EEA1: variants seen among roughly 807,000 people sequenced by gnomAD.
EEA1 encodes early endosome antigen 1, also known as early endosome antigen 1, 162kD.
A neutral mutation model predicts 209.2 loss-of-function variants in EEA1; 111 were observed. The observed-to-expected ratio is 0.53, with a 90% CI of 0.45 to 0.62. EEA1 has a LOEUF of 0.62. Among genes scored for constraint, EEA1 ranks in the 20% least tolerant of loss-of-function variants. EEA1 has a pLI of 0.00. For synonymous variants in EEA1, 536 were observed against 540.6 expected (o/e 0.99, Z 0.12); for missense variants, 1,343 against 1,530.8 (o/e 0.88, Z 2.05).
At chr12:92,795,659 T>C (rs1874625719) in intron 21 of EEA1, among the ~76,000 whole-genome samples, 1 of 152,218 alleles carries the variant, frequency 6.6e-6, no homozygotes, top group Non-Finnish European at 1.5e-5. Flanking sequence ...GAATTGGTGC[T>C]AACTGCCTAT....
intron 10 of EEA1, chr12:92,835,429 T>TTTTTTTTTTA (rs1876880196): frequency 3.9e-6 from 1 of 255,526 alleles, no homozygotes; most frequent in Admixed American, 5.3e-5. Context: ...TTTTTTTTTT[T>TTTTTTTTTTA]GAGATGGAGT....
chr12:92,813,151 T>C lies in EEA1; in HGVS notation c.1930-58A>G, dbSNP rs1875603588. 3.6e-6 allele frequency: 4 copies of C among 1,124,292 alleles called. No homozygotes were observed. In the African/African-American group the frequency reaches 6.2e-5, roughly 18 times the overall value. The allele number at this position is 1,124,292 out of a possible 1,614,324, so 69.6% of individuals were successfully genotyped here. On this transcript the variant is annotated intron_variant, in intron 15 of 28. Transcript: ENST00000322349. ...ATTTAGTTCTTGATTTCCTCTTGCT[T>C]GAACGCACACTCCTTTTGTGACTAA...
At chr12:92,863,565 T>G (rs1878242137) in intron 3 of EEA1, among the ~76,000 whole-genome samples, 1 of 152,234 alleles carries the variant, frequency 6.6e-6, no homozygotes, top group Non-Finnish European at 1.5e-5. Context: ...CTGGTCTTCC[T>G]ACAACCCCAG....
At chr12:92,883,509 C>T (rs187802843) in intron 2 of EEA1, among the ~76,000 whole-genome samples, 7 of 152,146 alleles carry the variant, frequency 4.6e-5, no homozygotes, top group Admixed American at 4.6e-4. Context: ...AATGATGTTT[C>T]CTAGGTTTTC....
chr12:92,858,989 T>C, intron 3 of EEA1: 2 of 685,100 alleles, frequency 2.9e-6, no homozygotes, highest in Non-Finnish European at 5.3e-6. Flanking sequence ...GCTCATTCAG[T>C]GGCAAAATCC....
intron 2 of EEA1, among the ~76,000 whole-genome samples, chr12:92,878,158 C>T (rs1339585635): frequency 6.6e-6 from 1 of 152,102 alleles, no homozygotes; most frequent in African/African-American, 2.4e-5. Flanking sequence ...CCTAACACTT[C>T]AGGAGGCCAA....
At chr12:92,833,313 C>G (rs1414022446) in intron 10 of EEA1, among the ~76,000 whole-genome samples, 1 of 152,112 alleles carries the variant, frequency 6.6e-6, no homozygotes, top group Non-Finnish European at 1.5e-5. Flanking sequence ...TTGATTGCAT[C>G]TTTTTATGCT....
At chr12:92,909,514 A>G (rs939803099) in intron 1 of EEA1, among the ~76,000 whole-genome samples, 1 of 152,248 alleles carries the variant, frequency 6.6e-6, no homozygotes, top group Non-Finnish European at 1.5e-5. Flanking sequence ...AATCTTTGAC[A>G]ATGGAACAAA....
intron 1 of EEA1, among the ~76,000 whole-genome samples, chr12:92,892,483 T>C (rs933202942): frequency 1.3e-5 from 2 of 150,536 alleles, no homozygotes; most frequent in African/African-American, 4.9e-5. Context: ...AGATCCAAGT[T>C]AAAGCAAAAA....
At chr12:92,897,525 C>A (rs531263845) in intron 1 of EEA1, among the ~76,000 whole-genome samples, 1 of 152,340 alleles carries the variant, frequency 6.6e-6, no homozygotes, top group South Asian at 2.1e-4. Context: ...TATCCAGGCC[C>A]TTGAGCTGCT....
At position 92,799,037 on chromosome 12, in the gene EEA1, A is replaced by G. The variant is rs200343917; in HGVS notation, c.2822T>C (p.Ile941Thr). The G allele has an allele frequency of 2.2e-4, 350 of 1,610,122 alleles. No homozygotes were observed. The highest frequency in any genetic ancestry group is 5.6e-4 in the Admixed American group (33 of 59,258). ...TTGTTTTAAAGTATTCTGGGCCTGTATAAGTTGTTCCTGCATTGAATTGAG... is the reference window on the plus strand; with the variant it reads ...TTGTTTTAAAGTATTCTGGGCCTGTGTAAGTTGTTCCTGCATTGAATTGAG... ...LELNSMQEQL[I>T]QAQNTLKQNE... Residue 941 changes from isoleucine to threonine, a missense_variant, in exon 21 of 29, where the codon ATA becomes ACA. Coordinates refer to ENST00000322349, the MANE Select transcript of EEA1 (RefSeq NM_003566.4).
intron 13 of EEA1, among the ~76,000 whole-genome samples, chr12:92,823,674 T>C (rs1486445321): frequency 6.6e-6 from 1 of 152,210 alleles, no homozygotes; most frequent in African/African-American, 2.4e-5. Flanking sequence ...GCCTGGCCCC[T>C]CTTTCATCCT....
chr12:92,780,227 C>A, intron 24 of EEA1, 53 bp downstream of exon 24: 25 of 1,525,350 alleles, frequency 1.6e-5, no homozygotes, highest in Non-Finnish European at 2.1e-5. Flanking sequence ...ATATATATTT[C>A]TTTAAAGAGC....
chr12:92,870,346 T>G (rs1412458221), intron 2 of EEA1, among the ~76,000 whole-genome samples: 2 of 152,226 alleles, frequency 1.3e-5, no homozygotes, highest in Non-Finnish European at 2.9e-5. Context: ...CCTTTGTTTT[T>G]GGAATACCAT....
intron 2 of EEA1, among the ~76,000 whole-genome samples, chr12:92,868,447 C>T (rs1414608038): frequency 6.6e-6 from 1 of 152,184 alleles, no homozygotes; most frequent in Non-Finnish European, 1.5e-5. Context: ...AGCTACATCC[C>T]TATTACACGA....
At chr12:92,909,184 G>A (rs2264290) in intron 1 of EEA1, among the ~76,000 whole-genome samples, 93,404 of 151,988 alleles carry the variant, frequency 0.61, 29,493 homozygotes, top group East Asian at 0.94. Context: ...CGCACCCTAC[G>A]TGCTTATACT....
At position 92,813,411 on chromosome 12, in the gene EEA1, T is replaced by C. The variant is rs539900416; in HGVS notation, c.1930-318A>G. 1.9e-4 allele frequency among the ~76,000 whole-genome samples: 29 copies of C among 152,296 alleles called. No homozygotes were observed. In the South Asian group the frequency reaches 5.2e-3, roughly 27 times the overall value. ...GCCACTGTATTTTCAGAAGTGAGTATCTGAAAGTCTACCACTATTATGATA... is the reference window on the plus strand; with the variant it reads ...GCCACTGTATTTTCAGAAGTGAGTACCTGAAAGTCTACCACTATTATGATA... On this transcript the variant is annotated intron_variant, in intron 15 of 28. Coordinates refer to ENST00000322349, the MANE Select transcript of EEA1 (RefSeq NM_003566.4).
intron 16 of EEA1, among the ~76,000 whole-genome samples, chr12:92,812,261 G>A (rs1875556641): frequency 1.3e-5 from 2 of 151,884 alleles, no homozygotes; most frequent in Admixed American, 1.3e-4. Context: ...CCCGGCAGGT[G>A]GAGGTTTCAG....
chr12:92,891,591 T>C (rs1450577284), intron 2 of EEA1, 38 bp downstream of exon 2: 3 of 1,448,684 alleles, frequency 2.1e-6, no homozygotes, highest in South Asian at 2.5e-5. Flanking sequence ...CATTTTCCCT[T>C]AATATTGAAT....
Sources: allele counts gnomAD v4.1 joint callset (sites outside exome capture counted in the v4.1 genomes callset), GRCh38; gene constraint gnomAD v4.1.1; transcripts MANE v1.5; gene names NCBI Gene and HGNC (gene_info 2026-07-23, HGNC 2026-07-21).